TMC7: variants seen among roughly 807,000 people sequenced by gnomAD.
TMC7 encodes the protein transmembrane channel-like protein 7.
A neutral mutation model predicts 82.9 loss-of-function variants in TMC7; 54 were observed. That is an observed-to-expected ratio of 0.65 (90% CI 0.52 to 0.82). The LOEUF (loss-of-function observed/expected upper bound fraction) is 0.82. Ranked by LOEUF, TMC7 falls within the 40% of genes least tolerant of loss-of-function variation. The pLI is 0.00. For synonymous variants in TMC7, 350 were observed against 337.9 expected (o/e 1.04, Z -0.39); for missense variants, 820 against 901.2 (o/e 0.91, Z 1.15).
chr16:19,056,498 G>A (rs931521683), intron 13 of TMC7, 44 bp from the exon 14 acceptor site: 23 of 1,597,386 alleles, frequency 1.4e-5, no homozygotes, highest in Non-Finnish European at 1.9e-5. Flanking sequence ...CACTCAACCT[G>A]TGCTGCACGC....
At chr16:19,044,174 T>G (rs192110182) in intron 9 of TMC7, among the ~76,000 whole-genome samples, 18 of 152,050 alleles carry the variant, frequency 1.2e-4, no homozygotes, top group Admixed American at 5.9e-4. Context: ...GACATTGGTT[T>G]TTTTGTTTGT....
chr16:19,006,694 G>A (rs1596733445), intron 1 of TMC7, among the ~76,000 whole-genome samples: 2 of 152,228 alleles, frequency 1.3e-5, no homozygotes, highest in African/African-American at 2.4e-5. Context: ...CATCAGGGAC[G>A]ATGCAGGGCA....
At position 19,037,741 on chromosome 16, in the gene TMC7, A is replaced by G. The variant is rs1481464571; in HGVS notation, c.1006-133A>G. ...TCCTACCTTGGCCTGCCACGGTGCT[A>G]GGGTTACAGGAGTGAGCCACCATGC... On this transcript the variant is annotated intron_variant, in intron 7 of 15. Transcript: ENST00000304381. 12 of 937,342 alleles carry G rather than the reference A, an allele frequency of 1.3e-5. No individual in the cohort carries two copies. The East Asian group carries it at 3.2e-4, about 25-fold the overall frequency. 58.1% of individuals were successfully genotyped at this position (937,342 alleles called of 1,614,324 possible).
At chr16:19,047,409 T>C (rs185317645) in intron 12 of TMC7, among the ~76,000 whole-genome samples, 160 bp downstream of exon 12, 5 of 151,818 alleles carry the variant, frequency 3.3e-5, no homozygotes, top group Admixed American at 1.3e-4. Context: ...GCTTTTTTTT[T>C]TTTTTTGAGA....
At chr16:18,984,823 T>G (rs534459685) in intron 1 of TMC7, among the ~76,000 whole-genome samples, 1 of 152,330 alleles carries the variant, frequency 6.6e-6, no homozygotes, top group South Asian at 2.1e-4. Context: ...CCAGTCAGGA[T>G]AAAAAAGTTG....
At position 19,056,661 on chromosome 16, in the gene TMC7, C is replaced by A. The variant is rs1298766360; in HGVS notation, c.1991C>A (p.Ser664Tyr). The change falls in exon 14 of 16, where the codon TCC (serine) becomes TAC (tyrosine). Residue 664 changes from serine (S) to tyrosine (Y), a missense_variant. Transcript: ENST00000304381. ...CAGTCCTTCATCCATGGTGTCACAT[C>A]CGAAGCCTTTGCAGTTCCTTTCTTC... ...SLQSFIHGVTSEAFAVPFFMI... is the reference protein window; with the variant it reads ...SLQSFIHGVTYEAFAVPFFMI... 2 of 1,614,130 alleles carry A rather than the reference C, an allele frequency of 1.2e-6. No individual in the cohort carries two copies. Among genetic ancestry groups the A allele is most frequent in the East Asian group, 4.5e-5 (2 of 44,874 alleles).
intron 12 of TMC7, among the ~76,000 whole-genome samples, chr16:19,050,057 T>C (rs745462230): frequency 2.0e-5 from 3 of 152,046 alleles, no homozygotes; most frequent in Non-Finnish European, 4.4e-5. Context: ...TTTAAATCCC[T>C]ATAAGGAATA....
intron 5 of TMC7, among the ~76,000 whole-genome samples, chr16:19,025,812 T>C (rs1960197728): frequency 6.6e-6 from 1 of 151,656 alleles, no homozygotes; most frequent in African/African-American, 2.4e-5. Flanking sequence ...GAGAGTGCAG[T>C]GGCACAATCT....
intron 1 of TMC7, among the ~76,000 whole-genome samples, chr16:19,002,232 CG>C (rs1243258282): frequency 1.3e-5 from 2 of 148,914 alleles, no homozygotes; most frequent in African/African-American, 5.0e-5. Context: ...GATGGAGGGC[CG>C]CTTTTTTTTT....
At chr16:18,996,405 CA>C (rs925145001) in intron 1 of TMC7, among the ~76,000 whole-genome samples, 1 of 152,002 alleles carries the variant, frequency 6.6e-6, no homozygotes, top group African/African-American at 2.4e-5. Context: ...TCCCATTTTT[CA>C]ACAAAAATTA....
intron 1 of TMC7, among the ~76,000 whole-genome samples, chr16:19,000,191 C>G (rs1304966999): frequency 6.6e-6 from 1 of 152,118 alleles, no homozygotes; most frequent in African/African-American, 2.4e-5. Flanking sequence ...TTCAGCCAGG[C>G]ATGGTGGCTC....
chr16:19,045,153 T>C, intron 10 of TMC7, 152 bp downstream of exon 10: 1 of 847,900 alleles, frequency 1.2e-6, no homozygotes, highest in South Asian at 1.5e-5. Context: ...CCATGGAGTC[T>C]AACCCCAGGC....
At chr16:19,003,408 G>C (rs557342153) in intron 1 of TMC7, among the ~76,000 whole-genome samples, 6 of 147,524 alleles carry the variant, frequency 4.1e-5, no homozygotes, top group Non-Finnish European at 8.9e-5. Flanking sequence ...AGGGAGGTGG[G>C]GGGGGTCAGC....
intron 2 of TMC7, chr16:19,012,349 A>G (rs1174394620): frequency 1.3e-5 from 2 of 152,102 alleles, no homozygotes; most frequent in African/African-American, 4.8e-5. Context: ...ATAAACTATT[A>G]CTGCTCTATG....
At chr16:19,028,978 A>T (rs201646471) in intron 5 of TMC7, among the ~76,000 whole-genome samples, 68 of 129,226 alleles carry the variant, frequency 5.3e-4, no homozygotes, top group Middle Eastern at 5.6e-3. Flanking sequence ...TTAAAAAAAA[A>T]TTTTTAATTG....
At position 19,006,561 on chromosome 16, in the gene TMC7, G is replaced by A. The variant is rs192094171; in HGVS notation, c.68-2611G>A. 2.8e-3 allele frequency among the ~76,000 whole-genome samples: 419 copies of A among 152,298 alleles called. 4 individuals carry two copies. Among genetic ancestry groups the A allele is most frequent in the African/African-American group, 9.7e-3 (403 of 41,562 alleles). ...CAGTCTACAAAGCCTGACTTGGTTC[G>A]ACCCCAGCCACCCCTCTGACTTTAA... On this transcript the variant is annotated intron_variant, in intron 1 of 15. Transcript: ENST00000304381.
chr16:19,009,357 C>T lies in TMC7; in HGVS notation c.253C>T (p.Leu85Phe). 1 of 1,614,190 alleles carries T rather than the reference C, an allele frequency of 6.2e-7. No homozygotes were observed. The highest frequency in any genetic ancestry group is 8.5e-7 in the Non-Finnish European group (1 of 1,180,040). ...SQLEDRIAENLSSHSLRNYAL... is the reference protein window; with the variant it reads ...SQLEDRIAENFSSHSLRNYAL... ...GCTGGAGGACAGAATCGCTGAAAAC[C>T]TCAGCAGCCATTCTCTTCGAAATTA... Residue 85 changes from leucine to phenylalanine, a missense_variant, in exon 2 of 16, where the codon CTC becomes TTC. Around this residue, in one of 2 missense-constraint regions of TMC7, gnomAD observed 650 missense variants for 669.9 expected, o/e 0.97. Coordinates refer to ENST00000304381, the MANE Select transcript of TMC7 (RefSeq NM_024847.4).
intron 15 of TMC7, chr16:19,059,808 C>A: frequency 1.3e-6 from 1 of 786,466 alleles, no homozygotes; most frequent in South Asian, 1.8e-5. Flanking sequence ...GAAACCCCGT[C>A]TCTACTAAAA....
intron 13 of TMC7, among the ~76,000 whole-genome samples, chr16:19,055,574 C>A (rs1961733438): frequency 6.6e-6 from 1 of 151,934 alleles, no homozygotes; most frequent in Admixed American, 6.6e-5. Context: ...GCCAGGTTGG[C>A]CTCCATCTCC....
Sources: allele counts gnomAD v4.1 joint callset (sites outside exome capture counted in the v4.1 genomes callset), GRCh38; gene constraint gnomAD v4.1.1; regional missense constraint gnomAD v4.1.1; transcripts MANE v1.5; gene names NCBI Gene and HGNC (gene_info 2026-07-23, HGNC 2026-07-21).